Variants in CELF2 observed in about 807,000 individuals in gnomAD.
CELF2 encodes CUG triplet repeat RNA-binding protein 2.
Under a neutral mutation model 62.6 loss-of-function variants are expected in CELF2, and 8 were observed. That is an observed-to-expected ratio of 0.13 (90% CI 0.07 to 0.23). The LOEUF is 0.23. Ranked by LOEUF, CELF2 falls within the 10% of genes least tolerant of loss-of-function variation. The probability of loss-of-function intolerance (pLI) is 1.00; values close to 1 mark genes in which losing one functional copy is unlikely to be tolerated. For synonymous variants in CELF2, 258 were observed against 250.0 expected (o/e 1.03, Z -0.30); for missense variants, 333 against 671.0 (o/e 0.50, Z 5.56).
chr10:11,124,676 C>T (rs2058364822), intron 1 of CELF2, among the ~76,000 whole-genome samples: 1 of 152,144 alleles, frequency 6.6e-6, no homozygotes, highest in Non-Finnish European at 1.5e-5. Flanking sequence ...ATGTGCCAGG[C>T]ACTGCAATAA....
chr10:10,903,223 G>A (rs866951234), intron 1 of CELF2, among the ~76,000 whole-genome samples: 10 of 152,230 alleles, frequency 6.6e-5, no homozygotes, highest in Middle Eastern at 6.8e-3. Flanking sequence ...TTTGTATAAT[G>A]TCCCTGCAAT....
At chr10:11,135,923 G>A (rs2060363433) in intron 1 of CELF2, among the ~76,000 whole-genome samples, 1 of 152,216 alleles carries the variant, frequency 6.6e-6, no homozygotes, top group African/African-American at 2.4e-5. Context: ...CTGGGGTGGA[G>A]CCTAGGATTG....
chr10:11,171,804 A>G (rs980695578), intron 2 of CELF2, among the ~76,000 whole-genome samples: 3 of 152,154 alleles, frequency 2.0e-5, no homozygotes, highest in African/African-American at 4.8e-5. Context: ...TGCTGCTGGC[A>G]TGGTCTAAAG....
the CELF2 span, among the ~76,000 whole-genome samples, chr10:10,684,130 G>C: frequency 2.0e-5 from 3 of 152,172 alleles, no homozygotes; most frequent in Non-Finnish European, 4.4e-5. Flanking sequence ...AAGGGATGAA[G>C]CACGGATGAT....
At chr10:10,486,207 G>A in the CELF2 span, among the ~76,000 whole-genome samples, 1 of 152,122 alleles carries the variant, frequency 6.6e-6, no homozygotes, top group African/African-American at 2.4e-5. Flanking sequence ...ACTGGAAAAA[G>A]CACTAAGGAA....
At chr10:11,256,260 T>C (rs117094725) in intron 4 of CELF2, among the ~76,000 whole-genome samples, 1 of 152,318 alleles carries the variant, frequency 6.6e-6, no homozygotes, top group East Asian at 1.9e-4. Context: ...AGTTTCTGTG[T>C]CAACAGCACT....
intron 2 of CELF2, among the ~76,000 whole-genome samples, chr10:11,192,967 C>A (rs1174406445): frequency 6.6e-6 from 1 of 152,220 alleles, no homozygotes; most frequent in African/African-American, 2.4e-5. Flanking sequence ...ACTCTCATTA[C>A]ATTCTCCACT....
chr10:11,034,645 A>T (rs551454097), intron 1 of CELF2, among the ~76,000 whole-genome samples: 1 of 152,262 alleles, frequency 6.6e-6, no homozygotes, highest in Admixed American at 6.5e-5. Context: ...CATTCATCAA[A>T]ACTGGCGATG....
chr10:11,036,403 C>T (rs1057063574), intron 1 of CELF2, among the ~76,000 whole-genome samples: 13 of 152,324 alleles, frequency 8.5e-5, no homozygotes, highest in Non-Finnish European at 1.2e-4. Flanking sequence ...CAGCCATTTA[C>T]GCAGTAAAGG....
chr10:11,099,052 G>A (rs928187186), intron 1 of CELF2, among the ~76,000 whole-genome samples: 1 of 152,240 alleles, frequency 6.6e-6, no homozygotes, highest in Non-Finnish European at 1.5e-5. Context: ...CGTCCTGGGG[G>A]CCATGAGACA....
At chr10:10,575,160 A>G in the CELF2 span, among the ~76,000 whole-genome samples, 4,637 of 152,250 alleles carry the variant, frequency 0.03, 87 homozygotes, top group Non-Finnish European at 0.049. Flanking sequence ...TCACCATTCT[A>G]TACATATGGT....
chr10:11,072,227 A>C (rs910803216), intron 1 of CELF2, among the ~76,000 whole-genome samples: 12 of 152,186 alleles, frequency 7.9e-5, no homozygotes, highest in Admixed American at 1.3e-4. Context: ...TGAGAGAATT[A>C]TGTGTTTTTC....
At chr10:10,664,567 A>G in the CELF2 span, among the ~76,000 whole-genome samples, 1 of 152,368 alleles carries the variant, frequency 6.6e-6, no homozygotes, top group African/African-American at 2.4e-5. Context: ...AAAATTATGC[A>G]TATACTTTTT....
chr10:11,026,200 G>A (rs1285599527), intron 1 of CELF2, among the ~76,000 whole-genome samples: 21 of 152,164 alleles, frequency 1.4e-4, no homozygotes, highest in Admixed American at 1.4e-3. Context: ...CATTTTATAT[G>A]ATCCATGTCA....
At chr10:10,480,240 C>T in the CELF2 span, among the ~76,000 whole-genome samples, 2 of 152,196 alleles carry the variant, frequency 1.3e-5, no homozygotes, top group Non-Finnish European at 2.9e-5. Context: ...CCCAAAGCCT[C>T]CTCCAACAGG....
intron 2 of CELF2, among the ~76,000 whole-genome samples, chr10:10,932,948 A>C (rs1421355908): frequency 6.6e-6 from 1 of 152,160 alleles, no homozygotes; most frequent in Admixed American, 6.5e-5. Flanking sequence ...AGAAAAGTAG[A>C]TAGAAGCCAG....
intron 2 of CELF2, among the ~76,000 whole-genome samples, chr10:10,963,474 A>G (rs935605263): frequency 1.3e-5 from 2 of 152,160 alleles, no homozygotes; most frequent in Non-Finnish European, 2.9e-5. Flanking sequence ...TGACGGTTAG[A>G]GCTTTCCGTG....
At chr10:10,589,952 G>A in the CELF2 span, among the ~76,000 whole-genome samples, 1 of 152,116 alleles carries the variant, frequency 6.6e-6, no homozygotes, top group Non-Finnish European at 1.5e-5. Context: ...TGATTCTAGG[G>A]TGCCTACCTC....
At chr10:11,087,503 C>T (rs1156251014) in intron 1 of CELF2, among the ~76,000 whole-genome samples, 1 of 152,210 alleles carries the variant, frequency 6.6e-6, no homozygotes, top group Admixed American at 6.5e-5. Context: ...CTTCTGACGG[C>T]CCGTCGACTG....
Sources: allele counts gnomAD v4.1 joint callset (sites outside exome capture counted in the v4.1 genomes callset), GRCh38; gene constraint gnomAD v4.1.1; transcripts MANE v1.5; gene names NCBI Gene and HGNC (gene_info 2026-07-23, HGNC 2026-07-21).